The following ACVR1B variants were observed in gnomAD, a reference collection of about 807,000 sequenced individuals.
ACVR1B encodes the protein activin A receptor type 1B, also known as activin receptor type-1B.
A neutral mutation model predicts 55.6 loss-of-function variants in ACVR1B; 15 were observed. That is an observed-to-expected ratio of 0.27 (90% CI 0.18 to 0.42). The LOEUF (loss-of-function observed/expected upper bound fraction) is 0.42, where lower values mean the gene tolerates loss of function less well. ACVR1B is among the 10% of genes least tolerant of loss of function. The probability of loss-of-function intolerance (pLI) is 1.00; values close to 1 mark genes in which losing one functional copy is unlikely to be tolerated. For synonymous variants in ACVR1B, 247 were observed against 254.6 expected (o/e 0.97, Z 0.28); for missense variants, 359 against 670.1 (o/e 0.54, Z 5.13).
intron 8 of ACVR1B, among the ~76,000 whole-genome samples, chr12:51,993,498 C>T (rs577601808): frequency 6.6e-6 from 1 of 152,202 alleles, no homozygotes; most frequent in Non-Finnish European, 1.5e-5. Context: ...GGCGCGGTGG[C>T]TCATGCCTGT....
chr12:51,970,661 T>C (rs1390234259), intron 1 of ACVR1B, among the ~76,000 whole-genome samples: 1 of 152,194 alleles, frequency 6.6e-6, no homozygotes, highest in African/African-American at 2.4e-5. Context: ...TGTATTAGGC[T>C]ATTCTTATCA....
At chr12:51,972,609 G>T (rs1348113253) in intron 1 of ACVR1B, among the ~76,000 whole-genome samples, 3 of 152,268 alleles carry the variant, frequency 2.0e-5, no homozygotes, top group Non-Finnish European at 1.5e-5. Flanking sequence ...GGAAACGGGT[G>T]CGAGAAGGTT....
At position 51,993,926 on chromosome 12, in the gene ACVR1B, G is replaced by C. The variant is rs995064140; in HGVS notation, c.1393-59G>C. 1.9e-6 allele frequency: 3 copies of C among 1,599,684 alleles called. No homozygotes were observed. The African/African-American group carries it at 4.0e-5, about 21-fold the overall frequency. ...GGCAGGGAAATGAGTGAGAGCCTAG[G>C]GACCAGAAAGGCTTCTCCAGGGCAT... On this transcript the variant is annotated intron_variant, in intron 8 of 8. Coordinates refer to ENST00000257963, the MANE Select transcript of ACVR1B (RefSeq NM_004302.5).
Position 51,986,881 on chromosome 12 carries a change from T to C in ACVR1B, c.1200T>C (p.Cys400=). 1 of 1,614,226 alleles carries C rather than the reference T, an allele frequency of 6.2e-7. No homozygotes were observed. The highest frequency in any genetic ancestry group is 1.7e-5 in the Admixed American group (1 of 60,026). ...TGAAACACTTTGACTCCTTTAAATGTGCTGATATTTATGCCCTCGGGCTTG... is the reference window on the plus strand; with the variant it reads ...TGAAACACTTTGACTCCTTTAAATGCGCTGATATTTATGCCCTCGGGCTTG... ...INMKHFDSFK[C]ADIYALGLVY... The change falls in exon 7 of 9, where the codon TGT becomes TGC. Residue 400 remains cysteine (C), a synonymous_variant. Transcript: ENST00000257963.
At chr12:51,972,424 T>TG (rs1491427496) in intron 1 of ACVR1B, among the ~76,000 whole-genome samples, 7 of 152,218 alleles carry the variant, frequency 4.6e-5, no homozygotes, top group Non-Finnish European at 1.0e-4. Context: ...ATTCTTGTGT[T>TG]ACAGTTGCCT....
chr12:51,982,937 G>C (rs932683234), intron 4 of ACVR1B: 3 of 924,922 alleles, frequency 3.2e-6, no homozygotes, highest in Non-Finnish European at 4.4e-6. Context: ...GCTGGTTAGA[G>C]TGCGAGAAGC....
intron 1 of ACVR1B, among the ~76,000 whole-genome samples, chr12:51,967,011 C>T (rs764776799): frequency 4.6e-4 from 70 of 151,966 alleles, no homozygotes; most frequent in Non-Finnish European, 8.1e-4. Context: ...GAGGCCGAGA[C>T]GGGTGGATCA....
intron 1 of ACVR1B, chr12:51,953,538 G>T: frequency 1.0e-6 from 1 of 984,562 alleles, no homozygotes; most frequent in African/African-American, 1.8e-5. Flanking sequence ...TGTTCGTCGG[G>T]CCTTATTAAG....
At position 51,984,009 on chromosome 12, in the gene ACVR1B, C is replaced by A. The variant is rs1425060514; in HGVS notation, c.822C>A (p.Thr274=). Residue 274 remains threonine, a synonymous_variant, in exon 5 of 9, where the codon ACC becomes ACA. Transcript: ENST00000257963. ...FIAADNKDNG[T]WTQLWLVSDY... ...TGTGGTTCTCTGCAGATAATGGCAC[C>A]TGGACACAGCTGTGGCTTGTTTCTG... 16 of 1,614,178 alleles carry A rather than the reference C, an allele frequency of 9.9e-6. No individual in the cohort carries two copies. Among genetic ancestry groups the A allele is most frequent in the Non-Finnish European group, 1.4e-5 (16 of 1,180,032 alleles).
chr12:51,980,232 A>G (rs192673357), intron 3 of ACVR1B, among the ~76,000 whole-genome samples: 1 of 152,282 alleles, frequency 6.6e-6, no homozygotes, highest in East Asian at 1.9e-4. Context: ...CATGCAGTAA[A>G]TGGTAGTTCC....
chr12:51,994,186 C>A lies in ACVR1B; in HGVS notation c.*76C>A. 1 of 1,568,438 alleles carries A rather than the reference C, an allele frequency of 6.4e-7. No homozygotes were observed. Among genetic ancestry groups the A allele is most frequent in the Non-Finnish European group, 8.6e-7 (1 of 1,160,464 alleles). On this transcript the variant is annotated 3_prime_UTR_variant, in exon 9 of 9. Transcript: ENST00000257963. The surrounding 1 kb of genome is among the most constrained non-coding windows in gnomAD (Gnocchi z 4.2). ...TGCCGCGTTGAGCGTACGATGGAGG[C>A]CTACCTCTCGTTTCTGCCCAGCCCT... is the stretch of plus-strand genomic sequence containing the variant.
intron 2 of ACVR1B, among the ~76,000 whole-genome samples, chr12:51,975,918 A>T (rs1443047500): frequency 6.6e-6 from 1 of 152,256 alleles, no homozygotes; most frequent in African/African-American, 2.4e-5. Context: ...CAAAGCCGAG[A>T]AACACCACAT....
At chr12:51,987,038 G>T (rs1942092828) in intron 7 of ACVR1B, 96 bp downstream of exon 7, 1 of 1,537,316 alleles carries the variant, frequency 6.5e-7, no homozygotes, top group Non-Finnish European at 9.0e-7. Flanking sequence ...ACAACCTGTT[G>T]GATGCCTGTT....
chr12:51,987,080 A>G lies in ACVR1B; in HGVS notation c.1261+138A>G, dbSNP rs765482946. 1.2e-5 allele frequency: 15 copies of G among 1,225,984 alleles called. No homozygotes were observed. In the African/African-American group the frequency reaches 1.5e-4, roughly 12 times the overall value. 75.9% of individuals were successfully genotyped at this position (1,225,984 alleles called of 1,614,324 possible). A position where few individuals can be genotyped will look rare whatever the true frequency, so the allele number is the denominator to read the frequency against. ...GCCTGAATCATCGTTTAAGGTTGCC[A>G]TCAAAGGTGTGGAGGTAGCTGTGCT... On this transcript the variant is annotated intron_variant, in intron 7 of 8. Transcript: ENST00000257963.
chr12:51,984,632 A>C (rs1159934467), intron 5 of ACVR1B, among the ~76,000 whole-genome samples: 7 of 152,230 alleles, frequency 4.6e-5, no homozygotes, highest in Non-Finnish European at 1.0e-4. Flanking sequence ...GAGGAAGAAG[A>C]CCTGAAGCTC....
chr12:51,989,713 C>T (rs944172738), intron 7 of ACVR1B, among the ~76,000 whole-genome samples: 9 of 152,038 alleles, frequency 5.9e-5, no homozygotes, highest in African/African-American at 1.5e-4. Context: ...AGGCCGGGCG[C>T]GGTGGCTCAT....
chr12:51,985,347 C>T lies in ACVR1B; in HGVS notation c.1135C>T (p.Arg379Ter), dbSNP rs2120704588. 2 of 1,610,128 alleles carry T rather than the reference C, an allele frequency of 1.2e-6. No individual in the cohort carries two copies. The highest frequency in any genetic ancestry group is 1.7e-6 in the Non-Finnish European group (2 of 1,178,338). ...IAPNQRVGTK[R>*]YMAPEVLDET... ...CCCGAATCAGAGGGTGGGGACCAAACGGTAGGAGGGCCTGGGACTCTGCCC... is the reference window on the plus strand; with the variant it reads ...CCCGAATCAGAGGGTGGGGACCAAATGGTAGGAGGGCCTGGGACTCTGCCC... The change falls in exon 6 of 9, where the codon CGA (arginine) becomes TGA (stop). Residue 379 changes from arginine to a stop codon, truncating the protein, a stop_gained and splice_region_variant. Coordinates refer to ENST00000257963, the MANE Select transcript of ACVR1B (RefSeq NM_004302.5). LOFTEE classifies it high-confidence loss of function.
At chr12:51,963,127 T>C (rs1475234696) in intron 1 of ACVR1B, among the ~76,000 whole-genome samples, 1 of 152,204 alleles carries the variant, frequency 6.6e-6, no homozygotes, top group Non-Finnish European at 1.5e-5. Flanking sequence ...TGTAGCAAAA[T>C]ACGTATAACA....
At chr12:51,985,991 C>A (rs1942069477) in intron 6 of ACVR1B, among the ~76,000 whole-genome samples, 1 of 152,126 alleles carries the variant, frequency 6.6e-6, no homozygotes, top group Non-Finnish European at 1.5e-5. Flanking sequence ...TGGCTGGAAT[C>A]ATAGTAATTA....
Sources: gnomAD v4.1 joint callset for allele counts (sites outside exome capture counted in the v4.1 genomes callset) on GRCh38, gnomAD v4.1.1 for gene constraint, Gnocchi (gnomAD v3.1) non-coding constraint, MANE v1.5 for transcripts, NCBI Gene and HGNC (gene_info 2026-07-23, HGNC 2026-07-21) for gene names.